The following CLDN14 variants were observed in gnomAD, a reference collection of about 807,000 sequenced individuals.
The protein encoded by CLDN14 is claudin-14.
In CLDN14, 2 loss-of-function variants were observed where a neutral mutation model predicts 2.1. That is an observed-to-expected ratio of 0.96 (90% confidence interval 0.39 to 3.01). The LOEUF is 3.01. Among genes scored for constraint, CLDN14 ranks in the 30% most tolerant of loss-of-function variants. The probability of loss-of-function intolerance (pLI) is 0.09; values close to 1 mark genes in which losing one functional copy is unlikely to be tolerated. For missense variants in CLDN14, 298 were observed against 328.0 expected (o/e 0.91, Z 0.71); for synonymous variants, 136 against 154.4 (o/e 0.88, Z 0.88).
chr21:36,513,061 A>G (rs2146486222), intron 1 of CLDN14, among the ~76,000 whole-genome samples: 1 of 152,174 alleles, frequency 6.6e-6, no homozygotes, highest in South Asian at 2.1e-4. Context: ...ACAGAATCCC[A>G]TTTTTGCTCA....
intron 2 of CLDN14, among the ~76,000 whole-genome samples, chr21:36,505,651 T>G (rs1379410758): frequency 1.3e-5 from 2 of 152,204 alleles, no homozygotes; most frequent in African/African-American, 4.8e-5. Context: ...GCCTGCCCAA[T>G]GTAGACAATC....
chr21:36,467,410 G>T (rs892455198), intron 1 of CLDN14, among the ~76,000 whole-genome samples: 1 of 152,098 alleles, frequency 6.6e-6, no homozygotes, highest in Non-Finnish European at 1.5e-5. Context: ...GTCCCTCCCT[G>T]GGCATGTCTG....
intron 2 of CLDN14, among the ~76,000 whole-genome samples, chr21:36,502,666 C>T (rs898330059): frequency 3.9e-5 from 6 of 152,142 alleles, no homozygotes; most frequent in African/African-American, 9.7e-5. Flanking sequence ...GTATTTGACA[C>T]GGATGTCTTT....
chr21:36,521,169 G>T (rs2087266681), intron 1 of CLDN14, among the ~76,000 whole-genome samples: 1 of 152,108 alleles, frequency 6.6e-6, no homozygotes, highest in African/African-American at 2.4e-5. Flanking sequence ...GAAAGTAGAG[G>T]TCATTCCGTA....
At position 36,461,268 on chromosome 21, in the gene CLDN14, A is replaced by G; in HGVS notation, c.428T>C (p.Val143Ala). ...MVAVSWTTND[V>A]VQNFYNPLLP... Reference sequence around the variant, plus strand: ...CAGCGGGTTGTAGAAGTTCTGCACCACGTCGTTGGTGGTCCAGGAGACGGC... The same window carrying G: ...CAGCGGGTTGTAGAAGTTCTGCACCGCGTCGTTGGTGGTCCAGGAGACGGC... The change falls in exon 2 of 2, where the codon GTG (valine) becomes GCG (alanine). Residue 143 changes from valine (V) to alanine (A), a missense_variant. By Grantham distance (64) the Val-to-Ala change is moderately conservative. Transcript: ENST00000399135. The G allele has an allele frequency of 3.7e-6, 6 of 1,613,876 alleles. No homozygotes were observed. The highest frequency in any genetic ancestry group is 4.2e-6 in the Non-Finnish European group (5 of 1,180,006).
At chr21:36,545,543 C>T (rs555625833) in intron 1 of CLDN14, among the ~76,000 whole-genome samples, 10 of 152,156 alleles carry the variant, frequency 6.6e-5, no homozygotes, top group African/African-American at 1.7e-4. Context: ...CTCTTTGTGC[C>T]TATATTTCTC....
At chr21:36,529,974 G>A (rs2087366354) in intron 1 of CLDN14, among the ~76,000 whole-genome samples, 2 of 152,136 alleles carry the variant, frequency 1.3e-5, no homozygotes, top group African/African-American at 2.4e-5. Context: ...ACACCTGAGC[G>A]GGCACCTGCT....
chr21:36,550,704 G>A (rs1356888929), intron 1 of CLDN14, among the ~76,000 whole-genome samples: 1 of 152,134 alleles, frequency 6.6e-6, no homozygotes, highest in Non-Finnish European at 1.5e-5. Context: ...CCTGTCAAGA[G>A]GTCCCTGCTC....
intron 1 of CLDN14, among the ~76,000 whole-genome samples, chr21:36,563,980 GA>G (rs2087655554): frequency 1.3e-5 from 2 of 152,168 alleles, no homozygotes; most frequent in Admixed American, 1.3e-4. Context: ...TCCCTAATGG[GA>G]AAGTGTATTC....
chr21:36,572,236 G>A (rs551841790), intron 1 of CLDN14, among the ~76,000 whole-genome samples: 3 of 152,210 alleles, frequency 2.0e-5, no homozygotes, highest in South Asian at 4.2e-4. Flanking sequence ...CAGCCCTGGC[G>A]TAACCTGAAT....
intron 1 of CLDN14, among the ~76,000 whole-genome samples, chr21:36,512,998 T>C (rs1250352193): frequency 1.3e-5 from 2 of 152,218 alleles, no homozygotes; most frequent in African/African-American, 4.8e-5. Flanking sequence ...AATGGTGGCG[T>C]AGTCTGCCCA....
At chr21:36,555,495 C>T (rs1037759969) in intron 1 of CLDN14, among the ~76,000 whole-genome samples, 4 of 152,202 alleles carry the variant, frequency 2.6e-5, no homozygotes, top group African/African-American at 9.6e-5. Flanking sequence ...GTTTTCTCAA[C>T]GTTCAAATGT....
At chr21:36,521,153 A>G (rs910073180) in intron 1 of CLDN14, among the ~76,000 whole-genome samples, 1 of 152,208 alleles carries the variant, frequency 6.6e-6, no homozygotes, top group Non-Finnish European at 1.5e-5. Flanking sequence ...TGACCACAAT[A>G]TATCTGAAAG....
chr21:36,523,781 GAGAAAGAAAGAAAGAAAGAA>G lies in CLDN14; in HGVS notation c.-219-13301_-219-13282del, dbSNP rs56772352. Among the ~76,000 whole-genome samples, 339 of 38,392 alleles carry G rather than the reference GAGAAAGAAAGAAAGAAAGAA, an allele frequency of 8.8e-3. 35 individuals are homozygous for G. The highest frequency in any genetic ancestry group is 0.028 in the South Asian group (25 of 900). 25.2% of individuals were successfully genotyped at this position (38,392 alleles called of 152,430 possible). A position where few individuals can be genotyped will look rare whatever the true frequency, so the allele number is the denominator to read the frequency against. ...AAAAAAAGAAAGAAAGAGAGAAAGAGAGAAAGAAAGAAAGAAAGAAAGAAAGAAAGAAAGAAAGAAAGAAA... is the reference window on the plus strand; with the variant it reads ...AAAAAAAGAAAGAAAGAGAGAAAGAGAGAAAGAAAGAAAGAAAGAAAGAAA... On this transcript the variant is annotated intron_variant, in intron 1 of 2. Coordinates refer to the CLDN14 transcript ENST00000342108.
rs114009917 is a variant in CLDN14, at chr21:36,473,811, C to T, written c.-82+5684G>A. Among the ~76,000 whole-genome samples the T allele has an allele frequency of 6.0e-3, 918 of 152,274 alleles. 8 individuals carry two copies. The highest frequency in any genetic ancestry group is 0.019 in the African/African-American group (807 of 41,568). Reference sequence around the variant, plus strand: ...TAGAGGTAGGAAGAGGAGCCAGCCACGGGCTGTAGGAATGGGCGATAGTGA... The same window carrying T: ...TAGAGGTAGGAAGAGGAGCCAGCCATGGGCTGTAGGAATGGGCGATAGTGA... On this transcript the variant is annotated intron_variant, in intron 1 of 1. Transcript: ENST00000399135.
rs2086566683 is a variant in CLDN14 at position 36,461,246 on chromosome 21, C to CG, written c.449dup (p.Leu151AlafsTer9). 6.2e-7 allele frequency: 1 copy of CG among 1,613,940 alleles called. No individual in the cohort carries two copies. The highest frequency in any genetic ancestry group is 2.2e-5 in the East Asian group (1 of 44,874). ...CAAACTTCATGCCGCTGGGCAGCAG[C>CG]GGGTTGTAGAAGTTCTGCACCACGT... On this transcript the variant is annotated frameshift_variant, in exon 2 of 2. Transcript: ENST00000399135. LOFTEE classifies it low-confidence loss of function (END_TRUNC).
At chr21:36,538,623 AAG>A (rs199979395) in intron 1 of CLDN14, among the ~76,000 whole-genome samples, 2 of 143,728 alleles carry the variant, frequency 1.4e-5, no homozygotes, top group Non-Finnish European at 3.2e-5. Context: ...AAAGGAAAAA[AAG>A]AGAGAGAAAA....
At chr21:36,497,103 G>A (rs375910209) in intron 2 of CLDN14, among the ~76,000 whole-genome samples, 52 of 16,008 alleles carry the variant, frequency 3.2e-3, no homozygotes, top group Admixed American at 4.3e-3. Context: ...GGGAGGGAGG[G>A]AGGGAGGAAG....
chr21:36,505,376 C>G (rs538071067), intron 2 of CLDN14, among the ~76,000 whole-genome samples: 1 of 152,278 alleles, frequency 6.6e-6, no homozygotes, highest in Non-Finnish European at 1.5e-5. Context: ...GACAGCCCAC[C>G]CCAAGCTGCT....
Sources: gnomAD v4.1 joint callset for allele counts (sites outside exome capture counted in the v4.1 genomes callset) on GRCh38, gnomAD v4.1.1 for gene constraint, MANE v1.5 for transcripts, NCBI Gene and HGNC (gene_info 2026-07-23, HGNC 2026-07-21) for gene names.